N4BP1: variants seen among roughly 807,000 people sequenced by gnomAD.
The protein encoded by N4BP1 is NEDD4 binding protein 1.
In N4BP1, 21 loss-of-function variants were observed where a neutral mutation model predicts 70.9. The observed-to-expected ratio is 0.30, with a 90% CI of 0.21 to 0.43. The LOEUF (loss-of-function observed/expected upper bound fraction) is 0.43, where lower values mean the gene tolerates loss of function less well. Among genes scored for constraint, N4BP1 ranks in the 20% least tolerant of loss-of-function variants. The pLI is 1.00. For missense variants in N4BP1, 936 were observed against 1,069.4 expected (o/e 0.88, Z 1.74); for synonymous variants, 387 against 394.6 (o/e 0.98, Z 0.23).
At chr16:48,602,351 TA>T (rs1964515025) in intron 1 of N4BP1, among the ~76,000 whole-genome samples, 1 of 152,250 alleles carries the variant, frequency 6.6e-6, no homozygotes, top group South Asian at 2.1e-4. Flanking sequence ...TCAAGACTGC[TA>T]ATCTTCTATG....
chr16:48,549,202 G>A (rs1295878792), intron 4 of N4BP1, among the ~76,000 whole-genome samples: 1 of 151,996 alleles, frequency 6.6e-6, no homozygotes, highest in East Asian at 1.9e-4. Flanking sequence ...TACTTAATGG[G>A]GATTTAAAAA....
intron 2 of N4BP1, 81 bp downstream of exon 2, chr16:48,560,673 A>T: frequency 6.7e-7 from 1 of 1,492,064 alleles, no homozygotes; most frequent in African/African-American, 1.4e-5. Flanking sequence ...ACATGTATGT[A>T]TAGTTCCCAT....
intron 1 of N4BP1, among the ~76,000 whole-genome samples, chr16:48,593,312 T>A (rs1410117966): frequency 2.6e-5 from 4 of 152,222 alleles, no homozygotes; most frequent in Non-Finnish European, 5.9e-5. Flanking sequence ...GTGTAACATG[T>A]ATTTGAGACT....
intron 1 of N4BP1, among the ~76,000 whole-genome samples, chr16:48,595,363 A>G (rs1192766603): frequency 7.4e-5 from 11 of 148,496 alleles, no homozygotes; most frequent in Non-Finnish European, 1.3e-4. Context: ...CTAGGGAGGC[A>G]GGAGAATTGC....
rs1371899064 is a variant in N4BP1, at chr16:48,610,156, G to A, written c.-184C>T. ...ATCCCGCCACGACCGCAGCAGCTTGGCAATTGCTGGCAGCGAACCCCTCCG... is the reference window on the plus strand; with the variant it reads ...ATCCCGCCACGACCGCAGCAGCTTGACAATTGCTGGCAGCGAACCCCTCCG... On this transcript the variant is annotated 5_prime_UTR_variant, in exon 1 of 7. Coordinates refer to ENST00000262384, the MANE Select transcript of N4BP1 (RefSeq NM_153029.4). 4.0e-5 allele frequency: 7 copies of A among 175,746 alleles called. No individual in the cohort carries two copies. Among genetic ancestry groups the A allele is most frequent in the Admixed American group, 1.9e-4 (3 of 15,390 alleles). 10.9% of individuals were successfully genotyped at this position (175,746 alleles called of 1,614,324 possible).
intron 2 of N4BP1, among the ~76,000 whole-genome samples, chr16:48,554,368 C>T (rs767729993): frequency 3.9e-5 from 6 of 152,076 alleles, no homozygotes; most frequent in Non-Finnish European, 5.9e-5. Flanking sequence ...AACAGGTGGG[C>T]GGGCCTGATT....
At position 48,543,140 on chromosome 16, in the gene N4BP1, G is replaced by A. The variant is rs1440438299; in HGVS notation, c.2455C>T (p.Pro819Ser). The change falls in exon 7 of 7, where the codon CCT becomes TCT. Residue 819 changes from proline to serine, a missense_variant. Physicochemically the swap from Pro to Ser is moderately conservative, Grantham distance 74 (BLOSUM62 -1). Around this residue, in one of 4 missense-constraint regions of N4BP1, gnomAD observed 229 missense variants for 343.5 expected, o/e 0.67. Transcript: ENST00000262384. ...HQPPTRIQGA[P>S]SSHWLPQQPH... ...TGCTGAGGGAGCCAGTGGCTTGAAG[G>A]GGCTCCCTGAATCCGGGTCGGAGGC... 1 of 1,606,402 alleles carries A rather than the reference G, an allele frequency of 6.2e-7. No homozygotes were observed. Among genetic ancestry groups the A allele is most frequent in the African/African-American group, 1.3e-5 (1 of 74,846 alleles).
chr16:48,547,214 T>C (rs941449048), intron 5 of N4BP1, among the ~76,000 whole-genome samples: 17 of 152,368 alleles, frequency 1.1e-4, no homozygotes, highest in Non-Finnish European at 2.1e-4. Flanking sequence ...AGTTTTACTA[T>C]ATATTAGTTA....
chr16:48,567,791 G>A (rs1963964256), intron 1 of N4BP1, among the ~76,000 whole-genome samples: 1 of 152,048 alleles, frequency 6.6e-6, no homozygotes, highest in Non-Finnish European at 1.5e-5. Flanking sequence ...CATCTTGGGG[G>A]ACCTTTCAGA....
intron 1 of N4BP1, among the ~76,000 whole-genome samples, chr16:48,607,482 A>C (rs1477403442): frequency 2.6e-5 from 4 of 152,192 alleles, no homozygotes; most frequent in African/African-American, 9.7e-5. Context: ...AGGTGACAGG[A>C]GGCTCTAGTA....
chr16:48,572,184 G>A (rs560508189), intron 1 of N4BP1, among the ~76,000 whole-genome samples: 1 of 152,322 alleles, frequency 6.6e-6, no homozygotes, highest in East Asian at 1.9e-4. Flanking sequence ...AGGTGATAGG[G>A]TGAGACCCTG....
At chr16:48,581,419 A>C (rs1964173030) in intron 1 of N4BP1, among the ~76,000 whole-genome samples, 1 of 152,144 alleles carries the variant, frequency 6.6e-6, no homozygotes, top group African/African-American at 2.4e-5. Flanking sequence ...GCAATTAGGC[A>C]AGAGAAATAT....
intron 1 of N4BP1, among the ~76,000 whole-genome samples, chr16:48,583,340 TA>T (rs1439885167): frequency 6.6e-6 from 1 of 152,144 alleles, no homozygotes; most frequent in African/African-American, 2.4e-5. Flanking sequence ...ATGTGGAATC[TA>T]AAAAAGTTGG....
chr16:48,586,978 T>C (rs1764406415), intron 1 of N4BP1, among the ~76,000 whole-genome samples: 1 of 152,204 alleles, frequency 6.6e-6, no homozygotes, highest in African/African-American at 2.4e-5. Context: ...GCTCCAATCT[T>C]AAGAAACAGT....
intron 1 of N4BP1, among the ~76,000 whole-genome samples, chr16:48,606,810 T>C (rs748331878): frequency 1.3e-5 from 2 of 152,212 alleles, no homozygotes; most frequent in Non-Finnish European, 2.9e-5. Context: ...AGACAGTTCA[T>C]CTTATCTTAT....
intron 1 of N4BP1, among the ~76,000 whole-genome samples, chr16:48,606,673 C>T (rs1195704416): frequency 2.0e-5 from 3 of 152,224 alleles, no homozygotes; most frequent in Non-Finnish European, 4.4e-5. Context: ...GTTTCCATTT[C>T]GCCCCTCTGC....
chr16:48,558,833 A>C (rs1043547902), intron 2 of N4BP1, among the ~76,000 whole-genome samples: 82 of 152,226 alleles, frequency 5.4e-4, no homozygotes, highest in African/African-American at 2.0e-3. Context: ...AGGGCTGCCA[A>C]AAAAACCAAA....
Position 48,581,232 on chromosome 16 carries a change from C to G in N4BP1, c.199-18788G>C, listed in dbSNP as rs1442473515. On this transcript the variant is annotated intron_variant, in intron 1 of 6. Coordinates refer to ENST00000262384, the MANE Select transcript of N4BP1 (RefSeq NM_153029.4). ...TGCCAAAAAAGCATTTGATAAAATC[C>G]CATGCCTTTTCATGATAAAAAAAAA... Among the ~76,000 whole-genome samples the G allele has an allele frequency of 2.0e-5, 3 of 146,652 alleles. No homozygotes were observed. In the Admixed American group the frequency reaches 2.1e-4, roughly 10 times the overall value.
intron 1 of N4BP1, among the ~76,000 whole-genome samples, chr16:48,593,986 A>G (rs1028679251): frequency 1.5e-5 from 2 of 134,742 alleles, no homozygotes; most frequent in Non-Finnish European, 3.1e-5. Flanking sequence ...TGGGTGCCAG[A>G]GCAAGACTCC....
Sources: allele counts gnomAD v4.1 joint callset (sites outside exome capture counted in the v4.1 genomes callset), GRCh38; gene constraint gnomAD v4.1.1; regional missense constraint gnomAD v4.1.1; transcripts MANE v1.5; gene names NCBI Gene and HGNC (gene_info 2026-07-23, HGNC 2026-07-21).